NAV2: variants seen among roughly 807,000 people sequenced by gnomAD.
The protein encoded by NAV2 is neuron navigator 2.
In NAV2, 54 loss-of-function variants were observed where a neutral mutation model predicts 223.2. That is an observed-to-expected ratio of 0.24 (90% confidence interval 0.19 to 0.30). The LOEUF (loss-of-function observed/expected upper bound fraction) is 0.30. Among genes scored for constraint, NAV2 ranks in the 10% least tolerant of loss-of-function variants. The pLI, the probability that NAV2 is intolerant of heterozygous loss-of-function variation, is 1.00. For synonymous variants in NAV2, 1,279 were observed against 1,239.3 expected, an observed-to-expected ratio of 1.03 and a Z score of -0.67; for missense variants, 2,806 against 3,147.5, an observed-to-expected ratio of 0.89 and a Z score of 2.60.
chr11:19,897,886 T>TTTATA lies in NAV2; in HGVS notation c.931+5293_931+5294insTATAT, dbSNP rs144642336. Among the ~76,000 whole-genome samples the TTTATA allele has an allele frequency of 4.1e-5, 5 of 120,686 alleles. 1 individual carries two copies. Among genetic ancestry groups the TTTATA allele is most frequent in the Non-Finnish European group, 6.7e-5 (4 of 59,422 alleles). The allele number at this position is 120,686 out of a possible 152,430, so 79.2% of individuals were successfully genotyped here. A position where few individuals can be genotyped will look rare whatever the true frequency, so the allele number is the denominator to read the frequency against. On this transcript the variant is annotated intron_variant, in intron 6 of 37. Transcript: ENST00000349880. ...GCCACAGCTGTGCCTGACCTGTGAT[T>TTTATA]TATATATATATATATATATGTGAGC...
chr11:20,037,012 C>T (rs192862307), intron 12 of NAV2, among the ~76,000 whole-genome samples: 332 of 152,312 alleles, frequency 2.2e-3, no homozygotes, highest in African/African-American at 7.7e-3. Flanking sequence ...GCCCATTTTA[C>T]TAGTGGAAAC....
chr11:19,901,654 A>T (rs986297648), intron 6 of NAV2, among the ~76,000 whole-genome samples: 2 of 152,214 alleles, frequency 1.3e-5, no homozygotes, highest in Non-Finnish European at 2.9e-5. Context: ...AGCACATAGC[A>T]GGAGATTAAT....
chr11:19,618,991 G>A (rs1199443379), intron 1 of NAV2, among the ~76,000 whole-genome samples: 2 of 2,420 alleles, frequency 8.3e-4, no homozygotes, highest in African/African-American at 4.8e-3. Context: ...TCCCACCTAT[G>A]AGTGAGAACA....
rs545468229 is a variant in NAV2, at chr11:19,544,243, G to A, written c.75+193216G>A. Among the ~76,000 whole-genome samples the A allele has an allele frequency of 1.1e-4, 16 of 152,316 alleles. No homozygotes were observed. In the South Asian group the frequency reaches 3.3e-3, roughly 32 times the overall value. On this transcript the variant is annotated intron_variant, in intron 1 of 37. Coordinates refer to the NAV2 transcript ENST00000360655. The stretch of plus-strand genomic sequence containing the variant: ...GGAGAATGAGAACGAGATGGACTTT[G>A]GTCCTAGACTCTCTTGACTCTAATC...
At position 20,044,064 on chromosome 11, in the gene NAV2, C is replaced by G; in HGVS notation, c.2991C>G (p.Asp997Glu). ...DDVKKSDGGS[D>E]SGIKMEPGSK... ...TCAAGAAATCAGACGGAGGCTCAGA[C>G]AGCGGCATAAAAATGGAGCCAGGTT... The change falls in exon 13 of 38, where the codon GAC (aspartate) becomes GAG (glutamate). Residue 997 changes from aspartate to glutamate, a missense_variant. Transcript: ENST00000349880. 6.2e-7 allele frequency: 1 copy of G among 1,614,198 alleles called. No homozygotes were observed. Among genetic ancestry groups the G allele is most frequent in the Non-Finnish European group, 8.5e-7 (1 of 1,180,026 alleles).
At chr11:19,738,479 C>A (rs1167263279) in intron 1 of NAV2, among the ~76,000 whole-genome samples, 1 of 152,180 alleles carries the variant, frequency 6.6e-6, no homozygotes. Context: ...AATACGGAGA[C>A]CATAAGTGGA....
chr11:19,651,147 A>G (rs1294797229), intron 1 of NAV2, among the ~76,000 whole-genome samples: 1 of 152,152 alleles, frequency 6.6e-6, no homozygotes, highest in Non-Finnish European at 1.5e-5. Context: ...CTCTTGGGAG[A>G]AGAAAAAAAA....
intron 1 of NAV2, among the ~76,000 whole-genome samples, chr11:19,696,475 C>A (rs1412253269): frequency 1.3e-5 from 2 of 152,170 alleles, no homozygotes; most frequent in East Asian, 3.8e-4. Flanking sequence ...GTCTATTGTT[C>A]CTAGTTTTCC....
intron 1 of NAV2, among the ~76,000 whole-genome samples, chr11:19,536,126 C>T (rs1565027234): frequency 6.6e-6 from 1 of 152,180 alleles, no homozygotes; most frequent in Non-Finnish European, 1.5e-5. Flanking sequence ...ATGTTGAATG[C>T]TTTACGTACA....
At chr11:19,667,542 T>A (rs2048449860) in intron 1 of NAV2, among the ~76,000 whole-genome samples, 1 of 152,144 alleles carries the variant, frequency 6.6e-6, no homozygotes, top group African/African-American at 2.4e-5. Context: ...TGGACTGAGG[T>A]GTGCTGGAGG....
chr11:19,587,266 T>C (rs1309161282), intron 1 of NAV2, among the ~76,000 whole-genome samples: 4 of 152,218 alleles, frequency 2.6e-5, no homozygotes, highest in African/African-American at 9.6e-5. Context: ...GTTTTCCAGG[T>C]GCTGCCTGTC....
At chr11:19,656,451 C>G (rs1185685928) in intron 1 of NAV2, among the ~76,000 whole-genome samples, 1 of 152,196 alleles carries the variant, frequency 6.6e-6, no homozygotes, top group East Asian at 1.9e-4. Context: ...GGTGAAATGC[C>G]GTGAGTGAGG....
chr11:20,085,943 C>T (rs1008908486), intron 26 of NAV2, among the ~76,000 whole-genome samples: 7 of 152,204 alleles, frequency 4.6e-5, no homozygotes, highest in African/African-American at 1.7e-4. Context: ...GAACACATAG[C>T]AGCCTCTGCC....
chr11:20,108,260 G>T (rs547891329), intron 36 of NAV2, among the ~76,000 whole-genome samples: 5 of 152,218 alleles, frequency 3.3e-5, no homozygotes, highest in Non-Finnish European at 5.9e-5. Flanking sequence ...TGTGCTTAAG[G>T]TTATAAAAGG....
intron 3 of NAV2, among the ~76,000 whole-genome samples, chr11:19,862,260 A>G (rs769842486): frequency 4.6e-5 from 7 of 152,392 alleles, no homozygotes; most frequent in Middle Eastern, 3.4e-3. Context: ...AGTTATAAAT[A>G]TTATAAACAG....
At chr11:19,787,380 T>G (rs2057209663) in intron 1 of NAV2, among the ~76,000 whole-genome samples, 1 of 147,186 alleles carries the variant, frequency 6.8e-6, no homozygotes, top group Non-Finnish European at 1.5e-5. Flanking sequence ...CCTCCTAAAG[T>G]GTTGGGATTA....
intron 1 of NAV2, among the ~76,000 whole-genome samples, chr11:19,657,324 A>G (rs572348263): frequency 6.6e-6 from 1 of 152,142 alleles, no homozygotes; most frequent in Admixed American, 6.5e-5. Flanking sequence ...GCTAGTTTGT[A>G]CTTCCCAATA....
At chr11:19,703,825 G>A (rs148277379) in intron 1 of NAV2, among the ~76,000 whole-genome samples, 1 of 152,308 alleles carries the variant, frequency 6.6e-6, no homozygotes, top group East Asian at 1.9e-4. Flanking sequence ...ACATTCTACT[G>A]CCTGTGCCCA....
chr11:19,404,848 C>T (rs368058571), intron 1 of NAV2, among the ~76,000 whole-genome samples: 1 of 151,960 alleles, frequency 6.6e-6, no homozygotes, highest in Non-Finnish European at 1.5e-5. Flanking sequence ...AATCATAGAA[C>T]GGAGGGTAAA....
Sources: gnomAD v4.1 joint callset for allele counts (sites outside exome capture counted in the v4.1 genomes callset) on GRCh38, gnomAD v4.1.1 for gene constraint, MANE v1.5 for transcripts, NCBI Gene and HGNC (gene_info 2026-07-23, HGNC 2026-07-21) for gene names.